KCND3: variants seen among roughly 807,000 people sequenced by gnomAD.
KCND3 encodes the protein potassium voltage-gated channel subfamily D member 3, also known as A-type voltage-gated potassium channel KCND3.
In KCND3, 9 loss-of-function variants were observed where a neutral mutation model predicts 51.1. The ratio of observed to expected loss-of-function variants is 0.18; its 90% CI spans 0.11 to 0.31. The LOEUF (loss-of-function observed/expected upper bound fraction) is 0.31. KCND3 is among the 10% of genes least tolerant of loss of function. The pLI, the probability that KCND3 is intolerant of heterozygous loss-of-function variation, is 1.00. For missense variants in KCND3, 526 were observed against 903.8 expected, an observed-to-expected ratio of 0.58 and a Z score of 5.36; for synonymous variants, 349 against 368.0, an observed-to-expected ratio of 0.95 and a Z score of 0.59.
At chr1:111,878,365 T>C (rs1669150876) in intron 2 of KCND3, among the ~76,000 whole-genome samples, 1 of 152,218 alleles carries the variant, frequency 6.6e-6, no homozygotes, top group Non-Finnish European at 1.5e-5. Flanking sequence ...GCTCAGCTGC[T>C]GAGTACAGGG....
chr1:111,776,925 G>A, intron 7 of KCND3, 101 bp downstream of exon 7: 1 of 1,568,774 alleles, frequency 6.4e-7, no homozygotes, highest in Non-Finnish European at 8.6e-7. Flanking sequence ...GATAAGGGGA[G>A]CGGCTAGAGG....
chr1:111,775,775 G>A lies in KCND3; in HGVS notation c.*302C>T. The A allele has an allele frequency of 2.1e-6, 1 of 465,350 alleles. No individual in the cohort carries two copies. Among genetic ancestry groups the A allele is most frequent in the Admixed American group, 3.4e-5 (1 of 29,668 alleles). The allele number at this position is 465,350 out of a possible 1,614,324, so 28.8% of individuals were successfully genotyped here. ...TCTGAGTCTGAGGCTCCTCCATCCA[G>A]GCCCTGTCCTGGCACATAGCCTATA... On this transcript the variant is annotated 3_prime_UTR_variant, in exon 8 of 8. Transcript: ENST00000302127.
chr1:111,815,891 C>G (rs6692346), intron 2 of KCND3, among the ~76,000 whole-genome samples: 24 of 151,816 alleles, frequency 1.6e-4, no homozygotes, highest in Admixed American at 3.3e-4. Context: ...GTTCCCCCCC[C>G]ACACAAAAAT....
At chr1:111,952,570 T>TC (rs776830490) in intron 2 of KCND3, among the ~76,000 whole-genome samples, 88 of 152,280 alleles carry the variant, frequency 5.8e-4, no homozygotes, top group Non-Finnish European at 4.0e-4. Context: ...TTCCCTGCCT[T>TC]CCTTCTCCCC....
intron 2 of KCND3, among the ~76,000 whole-genome samples, chr1:111,967,140 C>CAA (rs557157736): frequency 1.5e-5 from 1 of 67,496 alleles, no homozygotes; most frequent in East Asian, 4.4e-4. Flanking sequence ...GATTCCGTCT[C>CAA]AAAAAAAAAA....
chr1:111,869,356 T>C (rs1344171531), intron 2 of KCND3, among the ~76,000 whole-genome samples: 1 of 152,172 alleles, frequency 6.6e-6, no homozygotes, highest in African/African-American at 2.4e-5. Context: ...CCTCCTCACC[T>C]TCATCCAAAT....
At chr1:111,939,241 T>C (rs550807695) in intron 2 of KCND3, among the ~76,000 whole-genome samples, 8 of 152,340 alleles carry the variant, frequency 5.3e-5, no homozygotes, top group Admixed American at 3.9e-4. Context: ...TTAATTTTTT[T>C]TAGTATACTT....
intron 2 of KCND3, among the ~76,000 whole-genome samples, chr1:111,913,215 C>T (rs1393087259): frequency 6.6e-6 from 1 of 152,128 alleles, no homozygotes; most frequent in Non-Finnish European, 1.5e-5. Flanking sequence ...ATATGCTGTA[C>T]AGGTTTGTAG....
At chr1:111,848,296 A>C (rs944823764) in intron 2 of KCND3, among the ~76,000 whole-genome samples, 3 of 152,114 alleles carry the variant, frequency 2.0e-5, no homozygotes, top group African/African-American at 7.2e-5. Context: ...TGCTCTATAG[A>C]GTGCTGAGTT....
chr1:111,953,933 C>G (rs1003667727), intron 2 of KCND3, among the ~76,000 whole-genome samples: 7 of 152,142 alleles, frequency 4.6e-5, no homozygotes, highest in Non-Finnish European at 1.0e-4. Context: ...AGCCCCAAAC[C>G]CTGGGAAGCC....
At chr1:111,850,380 C>G (rs1035209525) in intron 2 of KCND3, among the ~76,000 whole-genome samples, 2 of 152,190 alleles carry the variant, frequency 1.3e-5, no homozygotes, top group Non-Finnish European at 2.9e-5. Context: ...GAGCCTCTAC[C>G]CCCTCGGGAA....
intron 2 of KCND3, among the ~76,000 whole-genome samples, chr1:111,818,533 C>T (rs1454688909): frequency 6.6e-6 from 1 of 152,222 alleles, no homozygotes; most frequent in Non-Finnish European, 1.5e-5. Flanking sequence ...TTTATTGATC[C>T]ATCCATGATG....
chr1:111,840,674 T>C (rs2798331), intron 2 of KCND3, among the ~76,000 whole-genome samples: 133,904 of 152,162 alleles, frequency 0.88, 59,218 homozygotes, highest in East Asian at 1. Flanking sequence ...AATCTCCCTG[T>C]CCCACCTAAG....
intron 2 of KCND3, among the ~76,000 whole-genome samples, chr1:111,925,458 G>A (rs1671657471): frequency 1.3e-5 from 2 of 152,196 alleles, no homozygotes; most frequent in African/African-American, 4.8e-5. Context: ...AACTTTGGAA[G>A]CATCACAGTG....
In KCND3 at chr1:111,929,683, T is replaced by C. The variant is rs527697818; in HGVS notation, c.1106+51938A>G. Reference sequence around the variant, plus strand: ...GCTGCAGGGATCCCACGACTGCCTCTCCCATCCTGCTTGTGCCTTTCTACC... The same window carrying C: ...GCTGCAGGGATCCCACGACTGCCTCCCCCATCCTGCTTGTGCCTTTCTACC... On this transcript the variant is annotated intron_variant, in intron 2 of 7. Transcript: ENST00000302127. Among the ~76,000 whole-genome samples the C allele has an allele frequency of 5.9e-5, 9 of 152,282 alleles. No homozygotes were observed. The South Asian group carries it at 1.7e-3, about 28-fold the overall frequency.
At chr1:111,823,155 T>C (rs1423325184) in intron 2 of KCND3, among the ~76,000 whole-genome samples, 1 of 152,144 alleles carries the variant, frequency 6.6e-6, no homozygotes, top group Non-Finnish European at 1.5e-5. Flanking sequence ...ATGGTGAGAT[T>C]CTGAGGAATG....
At chr1:111,872,390 C>T (rs1488144866) in intron 2 of KCND3, among the ~76,000 whole-genome samples, 3 of 152,202 alleles carry the variant, frequency 2.0e-5, no homozygotes. Flanking sequence ...ACTGAAGAAC[C>T]TTGTTTAATT....
In KCND3 at chr1:111,844,009, T is replaced by G. The variant is rs189369405; in HGVS notation, c.1107-56903A>C. Among the ~76,000 whole-genome samples, 26 of 152,206 alleles carry G rather than the reference T, an allele frequency of 1.7e-4. 1 individual carries two copies. Among genetic ancestry groups the G allele is most frequent in the African/African-American group, 5.8e-4 (24 of 41,520 alleles). On this transcript the variant is annotated intron_variant, in intron 2 of 7. Transcript: ENST00000302127. ...ATATGGCCCCAGAAGAGAAGTGGCCTGTACGCAGCAGAGCAGGGGCTCAAT... is the reference window on the plus strand; with the variant it reads ...ATATGGCCCCAGAAGAGAAGTGGCCGGTACGCAGCAGAGCAGGGGCTCAAT...
Position 111,890,357 on chromosome 1 carries a change from C to T in KCND3, c.1106+91264G>A, listed in dbSNP as rs543199955. ...GATATGGGCGTGAGATTAACAGAGG[C>T]GTCAAAGCTGACTCTAAGGCTTTTG... On this transcript the variant is annotated intron_variant, in intron 2 of 7. Transcript: ENST00000302127. 3.3e-5 allele frequency among the ~76,000 whole-genome samples: 5 copies of T among 152,202 alleles called. No individual in the cohort carries two copies. In the South Asian group the frequency reaches 8.3e-4, roughly 25 times the overall value.
Sources: allele counts gnomAD v4.1 joint callset (sites outside exome capture counted in the v4.1 genomes callset), GRCh38; gene constraint gnomAD v4.1.1; transcripts MANE v1.5; gene names NCBI Gene and HGNC (gene_info 2026-07-23, HGNC 2026-07-21).